Variants in PRKG1 observed in about 807,000 individuals in gnomAD.
PRKG1 encodes the protein protein kinase cGMP-dependent 1, also known as cGMP-dependent protein kinase 1.
A neutral mutation model predicts 88.1 loss-of-function variants in PRKG1; 35 were observed. The observed-to-expected ratio is 0.40, with a 90% CI of 0.30 to 0.53. The LOEUF is 0.53. PRKG1 is among the 20% of genes least tolerant of loss of function. The pLI, the probability that PRKG1 is intolerant of heterozygous loss-of-function variation, is 0.59. For missense variants in PRKG1, 540 were observed against 839.8 expected (o/e 0.64, Z 4.41); for synonymous variants, 303 against 292.5 (o/e 1.04, Z -0.37).
At chr10:51,744,903 G>T (rs1163709659) in intron 3 of PRKG1, among the ~76,000 whole-genome samples, 2 of 152,148 alleles carry the variant, frequency 1.3e-5, no homozygotes, top group African/African-American at 4.8e-5. Context: ...TTGGAAATGA[G>T]CTCAAACCTC....
At chr10:51,755,163 ACT>A (rs1236502701) in intron 3 of PRKG1, among the ~76,000 whole-genome samples, 2 of 151,862 alleles carry the variant, frequency 1.3e-5, no homozygotes, top group Non-Finnish European at 2.9e-5. Flanking sequence ...GATCATTCTG[ACT>A]CTGAAATTTC....
chr10:51,098,864 C>A (rs72791163), intron 1 of PRKG1, among the ~76,000 whole-genome samples: 1 of 152,274 alleles, frequency 6.6e-6, no homozygotes, highest in Non-Finnish European at 1.5e-5. Flanking sequence ...AGCGAACTTT[C>A]CCTGGGTAAC....
intron 2 of PRKG1, among the ~76,000 whole-genome samples, chr10:51,304,305 T>C (rs1840975308): frequency 1.3e-5 from 2 of 152,096 alleles, no homozygotes; most frequent in Non-Finnish European, 2.9e-5. Flanking sequence ...CACGTAATAT[T>C]AAAAAATCAA....
At chr10:51,846,376 G>T (rs1840397417) in intron 4 of PRKG1, among the ~76,000 whole-genome samples, 1 of 152,132 alleles carries the variant, frequency 6.6e-6, no homozygotes, top group Admixed American at 6.6e-5. Flanking sequence ...GGAGTTTCAT[G>T]ATATAAATTG....
intron 5 of PRKG1, among the ~76,000 whole-genome samples, chr10:52,025,292 T>A (rs1845306333): frequency 6.6e-6 from 1 of 152,184 alleles, no homozygotes; most frequent in South Asian, 2.1e-4. Flanking sequence ...TTCATTCTGA[T>A]GGTAGTTTCT....
At chr10:51,845,669 G>A (rs2132789392) in intron 4 of PRKG1, among the ~76,000 whole-genome samples, 1 of 152,210 alleles carries the variant, frequency 6.6e-6, no homozygotes, top group South Asian at 2.1e-4. Context: ...TAAAACTACA[G>A]CATTGTCATC....
chr10:51,367,429 G>A (rs1457343496), intron 2 of PRKG1, among the ~76,000 whole-genome samples: 4 of 151,862 alleles, frequency 2.6e-5, no homozygotes, highest in East Asian at 1.9e-4. Context: ...CCAAATGTGC[G>A]TATGTACAAA....
At chr10:51,892,004 T>G (rs898930296) in intron 4 of PRKG1, among the ~76,000 whole-genome samples, 5 of 152,178 alleles carry the variant, frequency 3.3e-5, no homozygotes, top group Admixed American at 3.3e-4. Flanking sequence ...AATTTTATCT[T>G]AAAAATATGG....
intron 4 of PRKG1, among the ~76,000 whole-genome samples, chr10:51,829,652 T>TA (rs775070022): frequency 6.6e-5 from 10 of 152,214 alleles, no homozygotes; most frequent in Non-Finnish European, 1.3e-4. Flanking sequence ...TATGACATCT[T>TA]ATTTTCTAAA....
intron 3 of PRKG1, among the ~76,000 whole-genome samples, chr10:51,484,144 G>A (rs942187790): frequency 1.3e-5 from 2 of 152,108 alleles, no homozygotes; most frequent in Admixed American, 6.5e-5. Context: ...CCTTTACTTG[G>A]AGTAGTCTAT....
intron 7 of PRKG1, among the ~76,000 whole-genome samples, chr10:52,127,638 G>A (rs2132623452): frequency 6.6e-6 from 1 of 152,200 alleles, no homozygotes; most frequent in South Asian, 2.1e-4. Context: ...TATAAAAAGG[G>A]GTCACATGCT....
At chr10:51,474,745 A>G (rs538263381) in intron 3 of PRKG1, among the ~76,000 whole-genome samples, 44 of 152,130 alleles carry the variant, frequency 2.9e-4, no homozygotes, top group African/African-American at 1.0e-3. Context: ...TTTGTTATAT[A>G]ACAAAATAAA....
At chr10:51,167,918 A>G (rs1846593268) in intron 2 of PRKG1, among the ~76,000 whole-genome samples, 1 of 152,150 alleles carries the variant, frequency 6.6e-6, no homozygotes, top group East Asian at 1.9e-4. Context: ...TCTGCTGACT[A>G]AACCAGGCAT....
In PRKG1 at chr10:51,702,851, T is replaced by C. The variant is rs138430691; in HGVS notation, c.593-101734T>C. Among the ~76,000 whole-genome samples, 13 of 152,150 alleles carry C rather than the reference T, an allele frequency of 8.5e-5. No individual in the cohort carries two copies. The East Asian group carries it at 2.3e-3, about 27-fold the overall frequency. ...AAAGACTACAGGCGTGTGCCACTAC[T>C]CATGGCTAATTTTTTGTGCGTTTTG... On this transcript the variant is annotated intron_variant, in intron 3 of 17. Coordinates refer to ENST00000373980, the MANE Select transcript of PRKG1 (RefSeq NM_006258.4).
At chr10:51,060,092 TCTTA>T (rs560327577) in intron 1 of PRKG1, among the ~76,000 whole-genome samples, 71 of 152,272 alleles carry the variant, frequency 4.7e-4, no homozygotes, top group African/African-American at 1.6e-3. Flanking sequence ...ACACTGATGT[TCTTA>T]CTTCTTTGTT....
chr10:52,112,086 G>A (rs1485175144), intron 7 of PRKG1, among the ~76,000 whole-genome samples: 1 of 152,034 alleles, frequency 6.6e-6, no homozygotes, highest in Non-Finnish European at 1.5e-5. Context: ...CTCAACACAC[G>A]CCATCATTCA....
chr10:52,224,808 CATATATATATAT>C lies in PRKG1; in HGVS notation c.1077-26742_1077-26731del, dbSNP rs71032630. Among the ~76,000 whole-genome samples the C allele has an allele frequency of 1.4e-4, 15 of 106,372 alleles. 2 individuals carry two copies. Among genetic ancestry groups the C allele is most frequent in the Non-Finnish European group, 2.5e-4 (13 of 52,250 alleles). 69.8% of individuals were successfully genotyped at this position (106,372 alleles called of 152,430 possible). A position where few individuals can be genotyped will look rare whatever the true frequency, so the allele number is the denominator to read the frequency against. On this transcript the variant is annotated intron_variant, in intron 9 of 17. Transcript: ENST00000373980. ...TTTTTATGGCTGCATAGTATTCCAT[CATATATATATAT>C]ATATATATATATATATATACATACA...
intron 2 of PRKG1, among the ~76,000 whole-genome samples, chr10:51,159,756 T>C (rs1846314153): frequency 6.6e-6 from 1 of 152,072 alleles, no homozygotes; most frequent in South Asian, 2.1e-4. Context: ...ATTGATAATA[T>C]TTCATGGACA....
intron 1 of PRKG1, among the ~76,000 whole-genome samples, chr10:51,038,159 A>C (rs1480976648): frequency 1.3e-5 from 2 of 152,144 alleles, no homozygotes; most frequent in African/African-American, 4.8e-5. Flanking sequence ...TAGTATTCTT[A>C]CTCTACACAT....
Sources: gnomAD v4.1 joint callset for allele counts (sites outside exome capture counted in the v4.1 genomes callset) on GRCh38, gnomAD v4.1.1 for gene constraint, MANE v1.5 for transcripts, NCBI Gene and HGNC (gene_info 2026-07-23, HGNC 2026-07-21) for gene names.